ARHGAP24: variants seen among roughly 807,000 people sequenced by gnomAD.
ARHGAP24 encodes the protein Rho GTPase activating protein 24.
A neutral mutation model predicts 76.4 loss-of-function variants in ARHGAP24; 50 were observed. The observed-to-expected ratio is 0.65, with a 90% CI of 0.52 to 0.83. The LOEUF (loss-of-function observed/expected upper bound fraction) is 0.83, where lower values mean the gene tolerates loss of function less well. ARHGAP24 is among the 40% of genes least tolerant of loss of function. ARHGAP24 has a pLI of 0.00. For missense variants in ARHGAP24, 930 were observed against 914.2 expected, an observed-to-expected ratio of 1.02 and a Z score of -0.22; for synonymous variants, 345 against 323.3, an observed-to-expected ratio of 1.07 and a Z score of -0.72.
chr4:85,484,776 C>T (rs939233886), intron 1 of ARHGAP24, among the ~76,000 whole-genome samples: 4 of 151,976 alleles, frequency 2.6e-5, no homozygotes, highest in African/African-American at 9.7e-5. Flanking sequence ...ACCACCATGC[C>T]AGGCTGATTT....
chr4:85,570,922 C>T, intron 2 of ARHGAP24: 1 of 565,112 alleles, frequency 1.8e-6, no homozygotes, highest in Non-Finnish European at 3.1e-6. Flanking sequence ...GCAAATTATA[C>T]TTGTCTAATA....
chr4:85,678,281 G>C (rs1277075897), intron 2 of ARHGAP24, among the ~76,000 whole-genome samples: 2 of 151,672 alleles, frequency 1.3e-5, no homozygotes, highest in East Asian at 1.9e-4. Flanking sequence ...GAGACAGGAG[G>C]ATCGTTTGAG....
At chr4:85,969,493 A>G (rs1315925858) in intron 5 of ARHGAP24, among the ~76,000 whole-genome samples, 3 of 151,928 alleles carry the variant, frequency 2.0e-5, no homozygotes, top group Non-Finnish European at 4.4e-5. Flanking sequence ...TTATTTTTAT[A>G]TTCTTTTCTT....
At chr4:85,498,260 T>C (rs1723657789) in intron 1 of ARHGAP24, among the ~76,000 whole-genome samples, 1 of 152,204 alleles carries the variant, frequency 6.6e-6, no homozygotes, top group African/African-American at 2.4e-5. Context: ...ATCTTATACC[T>C]GGGTTGGCTC....
At chr4:85,645,955 A>G (rs1417023820) in intron 2 of ARHGAP24, among the ~76,000 whole-genome samples, 1 of 152,046 alleles carries the variant, frequency 6.6e-6, no homozygotes, top group Non-Finnish European at 1.5e-5. Context: ...CTATCTCATT[A>G]TACAAATATT....
chr4:85,694,161 T>G (rs1723783382), intron 2 of ARHGAP24, among the ~76,000 whole-genome samples: 1 of 152,124 alleles, frequency 6.6e-6, no homozygotes, highest in African/African-American at 2.4e-5. Flanking sequence ...TTATGTTGTT[T>G]ACTCAAAATT....
intron 2 of ARHGAP24, among the ~76,000 whole-genome samples, chr4:85,622,094 T>A (rs9799651): frequency 0.33 from 49,986 of 151,968 alleles, 9,282 homozygotes; most frequent in East Asian, 0.84. Flanking sequence ...ATTTCTTTTT[T>A]AAAAATTTTA....
At chr4:85,540,136 C>A (rs1405690300) in intron 1 of ARHGAP24, among the ~76,000 whole-genome samples, 1 of 151,870 alleles carries the variant, frequency 6.6e-6, no homozygotes, top group Non-Finnish European at 1.5e-5. Context: ...TTAAACCACT[C>A]ATCACATTAT....
At chr4:85,772,477 A>G (rs113728497) in intron 3 of ARHGAP24, among the ~76,000 whole-genome samples, 1,564 of 152,226 alleles carry the variant, frequency 0.01, 36 homozygotes, top group African/African-American at 0.036. Context: ...TCTTAGTTTT[A>G]CCTCTTGCCT....
At chr4:85,993,851 A>G (rs888749635) in intron 8 of ARHGAP24, among the ~76,000 whole-genome samples, 1 of 152,156 alleles carries the variant, frequency 6.6e-6, no homozygotes, top group Non-Finnish European at 1.5e-5. Flanking sequence ...CATTTTTCTT[A>G]AGTAAACACT....
intron 2 of ARHGAP24, among the ~76,000 whole-genome samples, chr4:85,669,348 T>C (rs375614620): frequency 2.0e-5 from 3 of 151,978 alleles, no homozygotes; most frequent in African/African-American, 7.3e-5. Flanking sequence ...CAACACACTG[T>C]GGCAGTGTGT....
intron 1 of ARHGAP24, among the ~76,000 whole-genome samples, chr4:85,530,262 T>C (rs956043793): frequency 4.6e-5 from 7 of 152,042 alleles, no homozygotes; most frequent in Non-Finnish European, 7.4e-5. Flanking sequence ...TTCACAAATA[T>C]ATACTTCACT....
intron 3 of ARHGAP24, among the ~76,000 whole-genome samples, chr4:85,760,129 A>G (rs1041090014): frequency 6.6e-6 from 1 of 152,222 alleles, no homozygotes; most frequent in African/African-American, 2.4e-5. Flanking sequence ...TTTAATTTAA[A>G]CAACACAAAG....
At chr4:85,828,527 TTAA>T (rs1560655603) in intron 3 of ARHGAP24, among the ~76,000 whole-genome samples, 3 of 151,184 alleles carry the variant, frequency 2.0e-5, no homozygotes, top group Non-Finnish European at 1.5e-5. Context: ...TTTTTTTTTT[TTAA>T]AAAAAGCCAA....
intron 3 of ARHGAP24, among the ~76,000 whole-genome samples, chr4:85,749,693 G>A (rs1217881449): frequency 1.3e-5 from 2 of 152,134 alleles, no homozygotes; most frequent in African/African-American, 2.4e-5. Context: ...AGCCCCCTGA[G>A]TAGCTGGGAT....
At position 85,942,151 on chromosome 4, in the gene ARHGAP24, C is replaced by T. The variant is rs991129522; in HGVS notation, c.477C>T (p.Cys159=). 6 of 1,613,754 alleles carry T rather than the reference C, an allele frequency of 3.7e-6. No homozygotes were observed. Among genetic ancestry groups the T allele is most frequent in the Admixed American group, 3.3e-5 (2 of 59,960 alleles). ...TGGCTCCGATGTTGGTGGAGCAGTG[C>T]GTGGACTTTATCCGACAAAGGGGGC... is the stretch of plus-strand genomic sequence containing the variant. ...NRLAPMLVEQ[C]VDFIRQRGLK... The change falls in exon 5 of 10, where the codon TGC becomes TGT. Residue 159 remains cysteine, a synonymous_variant. Transcript: ENST00000395184.
chr4:85,987,675 C>T (rs1327166839), intron 8 of ARHGAP24, among the ~76,000 whole-genome samples: 1 of 151,902 alleles, frequency 6.6e-6, no homozygotes. Context: ...GTGAATATTA[C>T]ACTCGATGAG....
chr4:85,888,138 T>TA (rs1026496684), intron 3 of ARHGAP24, among the ~76,000 whole-genome samples: 1 of 152,006 alleles, frequency 6.6e-6, no homozygotes, highest in Non-Finnish European at 1.5e-5. Context: ...CGTGGTGGCT[T>TA]ACGCCTGTAA....
chr4:85,894,982 A>C (rs1228672039), intron 3 of ARHGAP24, among the ~76,000 whole-genome samples: 22 of 21,218 alleles, frequency 1.0e-3, no homozygotes, highest in Middle Eastern at 0.026. Flanking sequence ...AAAAAAAAAA[A>C]AAAAAACAAA....
Sources: allele counts gnomAD v4.1 joint callset (sites outside exome capture counted in the v4.1 genomes callset), GRCh38; gene constraint gnomAD v4.1.1; transcripts MANE v1.5; gene names NCBI Gene and HGNC (gene_info 2026-07-23, HGNC 2026-07-21).